Variants in KCNC1 observed in about 807,000 individuals in gnomAD.
KCNC1 encodes the protein voltage-gated potassium channel KCNC1.
Under a neutral mutation model 43.4 loss-of-function variants are expected in KCNC1, and 8 were observed. The ratio of observed to expected loss-of-function variants is 0.18; its 90% confidence interval spans 0.11 to 0.33. The LOEUF (loss-of-function observed/expected upper bound fraction) is 0.33, where lower values mean the gene tolerates loss of function less well. Among genes scored for constraint, KCNC1 ranks in the 10% least tolerant of loss-of-function variants. The probability of loss-of-function intolerance (pLI) is 1.00; values close to 1 mark genes in which losing one functional copy is unlikely to be tolerated. For missense variants in KCNC1, 420 were observed against 836.0 expected (o/e 0.50, Z 6.14); for synonymous variants, 361 against 360.5 (o/e 1.00, Z -0.01).
In KCNC1 at chr11:17,771,123, A is replaced by G. The variant is rs902820624; in HGVS notation, c.571-542A>G. Among the ~76,000 whole-genome samples, 11 of 152,340 alleles carry G rather than the reference A, an allele frequency of 7.2e-5. 1 individual carries two copies. The East Asian group carries it at 1.9e-3, about 27-fold the overall frequency. ...GAAAGAGACCACATGAGGGAGGTAC[A>G]GACCCATGGAAAAGAGCAAAGAGCC... is the stretch of plus-strand genomic sequence containing the variant. On this transcript the variant is annotated intron_variant, in intron 1 of 3. Transcript: ENST00000265969. This position sits in a 1 kb window ranked among gnomAD's most constrained non-coding sequence, Gnocchi z 4.7.
intron 1 of KCNC1, among the ~76,000 whole-genome samples, chr11:17,748,819 G>T (rs1242539103): frequency 6.6e-6 from 1 of 152,126 alleles, no homozygotes; most frequent in Admixed American, 6.5e-5. Flanking sequence ...TGCGTGGAGG[G>T]GGCTCCTGCT....
At position 17,742,332 on chromosome 11, in the gene KCNC1, G is replaced by C. The variant is rs573323154; in HGVS notation, c.570+5760G>C. Among the ~76,000 whole-genome samples, 1 of 152,176 alleles carries C rather than the reference G, an allele frequency of 6.6e-6. No individual in the cohort carries two copies. Among genetic ancestry groups the C allele is most frequent in the Non-Finnish European group, 1.5e-5 (1 of 68,022 alleles). ...GGGAGGTGGTGGTTGTCTCAGAGGT[G>C]GGGGAGGGGGTTCAGTGGGGGCTCA... On this transcript the variant is annotated intron_variant, in intron 1 of 3. Coordinates refer to ENST00000265969, the MANE Select transcript of KCNC1 (RefSeq NM_001112741.2). This position sits in a 1 kb window ranked among gnomAD's most constrained non-coding sequence, Gnocchi z 4.2.
At chr11:17,764,299 C>T (rs1849122883) in intron 1 of KCNC1, among the ~76,000 whole-genome samples, 1 of 151,410 alleles carries the variant, frequency 6.6e-6, no homozygotes, top group Admixed American at 6.6e-5. Context: ...TCACACACAC[C>T]ACTTCATACC....
Position 17,772,474 on chromosome 11 carries a change from T to A in KCNC1, c.1380T>A (p.Ile460=). 6.2e-7 allele frequency: 1 copy of A among 1,614,106 alleles called. No homozygotes were observed. Among genetic ancestry groups the A allele is most frequent in the Non-Finnish European group, 8.5e-7 (1 of 1,180,010 alleles). ...TACCAAAGAAAAAAAAGAAGCATAT[T>A]CCGCGGCCACCGCAGCTGGGATCTC... ...QKLPKKKKKH[I]PRPPQLGSPN... Residue 460 remains isoleucine (I), a synonymous_variant, in exon 2 of 4, where the codon ATT becomes ATA. Coordinates refer to ENST00000265969, the MANE Select transcript of KCNC1 (RefSeq NM_001112741.2).
intron 2 of KCNC1, chr11:17,775,606 G>T: frequency 1.0e-6 from 1 of 985,578 alleles, no homozygotes; most frequent in African/African-American, 1.7e-5. Flanking sequence ...ATCTGCAGTC[G>T]GATGCCCAGA....
At chr11:17,769,737 G>T (rs982705370) in intron 1 of KCNC1, among the ~76,000 whole-genome samples, 4 of 150,614 alleles carry the variant, frequency 2.7e-5, no homozygotes, top group African/African-American at 9.8e-5. Flanking sequence ...CAGGAAGGAG[G>T]GACAGATGGA....
chr11:17,774,956 A>T, intron 2 of KCNC1: 3 of 985,138 alleles, frequency 3.0e-6, no homozygotes, highest in South Asian at 9.4e-5. Flanking sequence ...CACCAAGAGG[A>T]GTTGCGGTCT....
chr11:17,736,354 G>A lies in KCNC1; in HGVS notation c.352G>A (p.Ala118Thr), dbSNP rs1159116668. 2 of 1,612,682 alleles carry A rather than the reference G, an allele frequency of 1.2e-6. No homozygotes were observed. Among genetic ancestry groups the A allele is most frequent in the Non-Finnish European group, 1.7e-6 (2 of 1,179,726 alleles). The stretch of plus-strand genomic sequence containing the variant: ...CCGCCAGCACCGCGACGCCGAGGAG[G>A]CTCTGGACAGCTTCGGCGGCGCTCC... ...TYRQHRDAEE[A>T]LDSFGGAPLD... is the part of the protein sequence containing the mutation. Residue 118 changes from alanine (A) to threonine (T), a missense_variant, in exon 1 of 4, where the codon GCT (alanine) becomes ACT (threonine). Physicochemically the swap from Ala to Thr is moderately conservative, Grantham distance 58. Transcript: ENST00000265969. This position sits in a 1 kb window ranked among gnomAD's most constrained non-coding sequence, Gnocchi z 9.3.
intron 1 of KCNC1, among the ~76,000 whole-genome samples, chr11:17,750,131 A>G (rs1848949741): frequency 6.6e-6 from 1 of 152,062 alleles, no homozygotes; most frequent in Non-Finnish European, 1.5e-5. Context: ...CGTGTGTAAG[A>G]TTGGATGATA....
Position 17,736,933 on chromosome 11 carries a change from C to T in KCNC1, c.570+361C>T, listed in dbSNP as rs1848774428. Among the ~76,000 whole-genome samples the T allele has an allele frequency of 6.6e-6, 1 of 152,174 alleles. No individual in the cohort carries two copies. The highest frequency in any genetic ancestry group is 1.5e-5 in the Non-Finnish European group (1 of 68,034). On this transcript the variant is annotated intron_variant, in intron 1 of 3. Coordinates refer to ENST00000265969, the MANE Select transcript of KCNC1 (RefSeq NM_001112741.2). This position sits in a 1 kb window ranked among gnomAD's most constrained non-coding sequence, Gnocchi z 9.3. ...TGTATGTTCGAGTGTGCATGAGCGC[C>T]TGCCCGTGAACATTTGTGTCTTTGC...
chr11:17,781,789 A>G lies in KCNC1; in HGVS notation c.*55A>G. 2 of 1,222,976 alleles carry G rather than the reference A, an allele frequency of 1.6e-6. No individual in the cohort carries two copies. Among genetic ancestry groups the G allele is most frequent in the South Asian group, 2.6e-5 (2 of 77,306 alleles). 75.8% of individuals were successfully genotyped at this position (1,222,976 alleles called of 1,614,324 possible). The stretch of plus-strand genomic sequence containing the variant: ...CTATTAAGCATCTGGGTGGACCTGC[A>G]GCCCCTCCTCACCCTCGGACAGAGT... On this transcript the variant is annotated 3_prime_UTR_variant, in exon 4 of 4. Transcript: ENST00000265969. This position sits in a 1 kb window ranked among gnomAD's most constrained non-coding sequence, Gnocchi z 5.1.
rs77016501 is a variant in KCNC1, at chr11:17,774,997, A to G, written c.1504+2399A>G. The G allele has an allele frequency of 0.014, 14,187 of 985,124 alleles. 785 individuals are homozygous for G. In the East Asian group the frequency reaches 0.22, roughly 15 times the overall value. The allele number at this position is 985,124 out of a possible 1,614,324, so 61.0% of individuals were successfully genotyped here. On this transcript the variant is annotated intron_variant, in intron 2 of 3. Transcript: ENST00000265969. Reference sequence around the variant, plus strand: ...GGCGTTGTCCCCACCTCTGCACCCCAGAGTTCTTCCCATTCACCTTTTTTC... The same window carrying G: ...GGCGTTGTCCCCACCTCTGCACCCCGGAGTTCTTCCCATTCACCTTTTTTC...
intron 1 of KCNC1, among the ~76,000 whole-genome samples, chr11:17,741,581 G>A (rs1848842665): frequency 6.6e-6 from 1 of 152,116 alleles, no homozygotes; most frequent in Non-Finnish European, 1.5e-5. Flanking sequence ...GGCTGCTCCA[G>A]TTTATCCTCC....
intron 1 of KCNC1, among the ~76,000 whole-genome samples, chr11:17,760,433 C>T (rs1429695464): frequency 1.3e-5 from 2 of 152,150 alleles, no homozygotes; most frequent in African/African-American, 4.8e-5. Context: ...CCCCGTTAGC[C>T]TCCGTATTTA....
At chr11:17,753,782 G>C (rs1009237271) in intron 1 of KCNC1, among the ~76,000 whole-genome samples, 1 of 152,192 alleles carries the variant, frequency 6.6e-6, no homozygotes, top group Non-Finnish European at 1.5e-5. Context: ...AAGACGCTGG[G>C]AATAGACATG....
rs1391480834 is a variant in KCNC1 at position 17,776,536 on chromosome 11, T to A, written c.1505-2920T>A. On this transcript the variant is annotated intron_variant, in intron 2 of 3. Coordinates refer to ENST00000265969, the MANE Select transcript of KCNC1 (RefSeq NM_001112741.2). The surrounding 1 kb of genome is among the most constrained non-coding windows in gnomAD (Gnocchi z 4.4). ...CCTTGCTCCAAAGTTTAAAAAAAAA[T>A]GACCCTCTCGCAGATGCTCATCTCA... The A allele has an allele frequency of 1.0e-5, 10 of 985,334 alleles. No homozygotes were observed. The highest frequency in any genetic ancestry group is 9.6e-6 in the Non-Finnish European group (8 of 829,930). 61.0% of individuals were successfully genotyped at this position (985,334 alleles called of 1,614,324 possible). A position where few individuals can be genotyped will look rare whatever the true frequency, so the allele number is the denominator to read the frequency against.
intron 1 of KCNC1, among the ~76,000 whole-genome samples, chr11:17,740,434 G>A (rs1191514674): frequency 2.0e-5 from 3 of 152,130 alleles, no homozygotes; most frequent in Admixed American, 1.3e-4. Context: ...TAACCAGGTG[G>A]AGAGGGCAGG....
intron 1 of KCNC1, among the ~76,000 whole-genome samples, chr11:17,750,519 T>C (rs1565156912): frequency 6.6e-6 from 1 of 151,890 alleles, no homozygotes; most frequent in Non-Finnish European, 1.5e-5. Flanking sequence ...AGGATTGGAG[T>C]AAAAGCCTGG....
rs1849301322 is a variant in KCNC1 at position 17,777,672 on chromosome 11, A to G, written c.1505-1784A>G. 1.2e-5 allele frequency: 12 copies of G among 985,808 alleles called. No homozygotes were observed. Among genetic ancestry groups the G allele is most frequent in the Non-Finnish European group, 1.4e-5 (12 of 829,972 alleles). The allele number at this position is 985,808 out of a possible 1,614,324, so 61.1% of individuals were successfully genotyped here. Reference sequence around the variant, plus strand: ...AACTGGCCTTTTTGGTTCAGAGTAAATTGGGAAGTGAAGCCCCTGGGATTT... The same window carrying G: ...AACTGGCCTTTTTGGTTCAGAGTAAGTTGGGAAGTGAAGCCCCTGGGATTT... On this transcript the variant is annotated intron_variant, in intron 2 of 3. Coordinates refer to ENST00000265969, the MANE Select transcript of KCNC1 (RefSeq NM_001112741.2). This position sits in a 1 kb window ranked among gnomAD's most constrained non-coding sequence, Gnocchi z 4.3.
Sources: gnomAD v4.1 joint callset for allele counts (sites outside exome capture counted in the v4.1 genomes callset) on GRCh38, gnomAD v4.1.1 for gene constraint, Gnocchi (gnomAD v3.1) non-coding constraint, MANE v1.5 for transcripts, NCBI Gene and HGNC (gene_info 2026-07-23, HGNC 2026-07-21) for gene names.